The following LCOR variants were observed in gnomAD, a reference collection of about 807,000 sequenced individuals.
LCOR encodes ligand dependent nuclear receptor corepressor.
In LCOR, 14 loss-of-function variants were observed where a neutral mutation model predicts 64.4. The ratio of observed to expected loss-of-function variants is 0.22; its 90% CI spans 0.14 to 0.34. The LOEUF (loss-of-function observed/expected upper bound fraction) is 0.34. Ranked by LOEUF, LCOR falls within the 10% of genes least tolerant of loss-of-function variation. The pLI is 1.00. For missense variants in LCOR, 1,686 were observed against 1,765.3 expected, an observed-to-expected ratio of 0.96 and a Z score of 0.80; for synonymous variants, 643 against 642.5, an observed-to-expected ratio of 1.00 and a Z score of -0.01.
chr10:96,864,788 A>T (rs770108550), intron 2 of LCOR, among the ~76,000 whole-genome samples: 2 of 152,218 alleles, frequency 1.3e-5, no homozygotes, highest in Non-Finnish European at 2.9e-5. Context: ...CATTCAGTAC[A>T]GTGACATGCT....
At chr10:96,888,194 G>A (rs1846376343) in intron 2 of LCOR, among the ~76,000 whole-genome samples, 1 of 150,514 alleles carries the variant, frequency 6.6e-6, no homozygotes. Context: ...ATGAAACCCT[G>A]TCTCTACTAA....
intron 6 of LCOR, among the ~76,000 whole-genome samples, chr10:96,950,394 A>G (rs186102787): frequency 1.3e-5 from 2 of 152,218 alleles, no homozygotes; most frequent in Admixed American, 1.3e-4. Flanking sequence ...TGGTTACCAT[A>G]TTTACAAAGT....
At chr10:96,832,874 C>A in intron 1 of LCOR, 1 of 541,922 alleles carries the variant, frequency 1.8e-6, no homozygotes, top group Non-Finnish European at 2.3e-6. Flanking sequence ...CCTGCGCCAC[C>A]CCTCCCCCAC....
Position 96,897,957 on chromosome 10 carries a change from A to T in LCOR, c.-329-9308A>T, listed in dbSNP as rs1011893619. Among the ~76,000 whole-genome samples the T allele has an allele frequency of 8.6e-5, 13 of 151,124 alleles. No homozygotes were observed. The East Asian group carries it at 2.5e-3, about 29-fold the overall frequency. On this transcript the variant is annotated intron_variant, in intron 2 of 7. Coordinates refer to ENST00000421806, the MANE Select transcript of LCOR (RefSeq NM_001346516.2). Reference sequence around the variant, plus strand: ...CAAGTCTTTAGCTTGCCTGACACATAAAACAGAGTCCTTGTAAAATCTCCA... The same window carrying T: ...CAAGTCTTTAGCTTGCCTGACACATTAAACAGAGTCCTTGTAAAATCTCCA...
In LCOR at chr10:96,982,848, C is replaced by T. The variant is rs3814163; in HGVS notation, c.2388C>T (p.Leu796=). The T allele has an allele frequency of 0.06, 97,170 of 1,613,846 alleles. 9,722 individuals are homozygous for T. Among genetic ancestry groups the T allele is most frequent in the East Asian group, 0.32 (14,427 of 44,874 alleles). The change falls in exon 8 of 8, where the codon CTC becomes CTT. Residue 796 remains leucine, a synonymous_variant. Coordinates refer to ENST00000421806, the MANE Select transcript of LCOR (RefSeq NM_001346516.2). ...CGTATGATACAAGCATTGACTCACTCGAAGAGAATTTGGACAAGAAGAAAA... is the reference window on the plus strand; with the variant it reads ...CGTATGATACAAGCATTGACTCACTTGAAGAGAATTTGGACAAGAAGAAAA... ...KDTYDTSIDS[L]EENLDKKKKG... is the part of the protein sequence containing the mutation.
At chr10:96,876,098 A>G (rs747870311) in intron 2 of LCOR, among the ~76,000 whole-genome samples, 1 of 152,030 alleles carries the variant, frequency 6.6e-6, no homozygotes, top group Non-Finnish European at 1.5e-5. Context: ...TTCTGTTGCT[A>G]TGACAGAATA....
chr10:96,903,027 C>T (rs989273231), intron 2 of LCOR, among the ~76,000 whole-genome samples: 2 of 152,130 alleles, frequency 1.3e-5, no homozygotes, highest in Non-Finnish European at 2.9e-5. Context: ...GTAGGAAATA[C>T]CACCATTGTC....
intron 2 of LCOR, among the ~76,000 whole-genome samples, chr10:96,872,074 G>A (rs12243551): frequency 0.14 from 21,025 of 152,138 alleles, 1,977 homozygotes; most frequent in African/African-American, 0.26. Flanking sequence ...GATGAGTACT[G>A]TTCCTAAAAT....
In LCOR at chr10:96,985,674, A is replaced by G. The variant is rs996610102; in HGVS notation, c.*540A>G. On this transcript the variant is annotated 3_prime_UTR_variant, in exon 8 of 8. Coordinates refer to ENST00000421806, the MANE Select transcript of LCOR (RefSeq NM_001346516.2). ...TTTGAAAGCTAAACCAAATCATTTT[A>G]TGGTATGCAGAGGATTTATAATTAT... 2 of 166,750 alleles carry G rather than the reference A, an allele frequency of 1.2e-5. No homozygotes were observed. Among genetic ancestry groups the G allele is most frequent in the African/African-American group, 4.8e-5 (2 of 41,446 alleles). The allele number at this position is 166,750 out of a possible 1,614,324, so 10.3% of individuals were successfully genotyped here. A position where few individuals can be genotyped will look rare whatever the true frequency, so the allele number is the denominator to read the frequency against.
chr10:96,880,751 T>G (rs1298880924), intron 2 of LCOR, among the ~76,000 whole-genome samples: 1 of 152,234 alleles, frequency 6.6e-6, no homozygotes, highest in African/African-American at 2.4e-5. Flanking sequence ...CACTATATGA[T>G]TTAATTCTGC....
Position 96,943,776 on chromosome 10 carries a change from G to C in LCOR, c.-183-337G>C, listed in dbSNP as rs1847539938. 3.3e-5 allele frequency among the ~76,000 whole-genome samples: 5 copies of C among 150,024 alleles called. No individual in the cohort carries two copies. The South Asian group carries it at 1.0e-3, about 31-fold the overall frequency. ...TTAAAAAAAAAAAAGCCTTCTGTCTGAATTGAGTTGCCTGTGAAAAATAAC... is the reference window on the plus strand; with the variant it reads ...TTAAAAAAAAAAAAGCCTTCTGTCTCAATTGAGTTGCCTGTGAAAAATAAC... On this transcript the variant is annotated intron_variant, in intron 4 of 7. Transcript: ENST00000421806.
At chr10:96,911,676 A>G (rs1846837492) in intron 4 of LCOR, among the ~76,000 whole-genome samples, 2 of 152,158 alleles carry the variant, frequency 1.3e-5, no homozygotes, top group South Asian at 4.1e-4. Context: ...ATTTGAAATG[A>G]CCAATTCTAG....
intron 4 of LCOR, among the ~76,000 whole-genome samples, chr10:96,939,436 G>GT (rs1335373854): frequency 5.9e-5 from 9 of 152,118 alleles, no homozygotes; most frequent in Admixed American, 5.9e-4. Context: ...TCATGACCAA[G>GT]TTTTTTAGGT....
chr10:96,927,157 C>T (rs1168289937), intron 4 of LCOR, among the ~76,000 whole-genome samples: 1 of 152,050 alleles, frequency 6.6e-6, no homozygotes, highest in Non-Finnish European at 1.5e-5. Context: ...TCCAGTGTTC[C>T]TCGTCTTACC....
chr10:96,985,030 C>G lies in LCOR; in HGVS notation c.4570C>G (p.Pro1524Ala). 1 of 1,614,186 alleles carries G rather than the reference C, an allele frequency of 6.2e-7. No individual in the cohort carries two copies. The highest frequency in any genetic ancestry group is 1.1e-5 in the South Asian group (1 of 91,082). Residue 1524 changes from proline to alanine, a missense_variant, in exon 8 of 8, where the codon CCC becomes GCC. By Grantham distance (27) the Pro-to-Ala change is conservative. Transcript: ENST00000421806. ...GAGTAGTGGAAAGACTCGGGCCAGA[C>G]CCTCAACGAAAACCCCAGAGAGCAG... ...KQSSGKTRAR[P>A]STKTPESSAA...
At chr10:96,835,467 CTT>C (rs1311842830) in intron 2 of LCOR, among the ~76,000 whole-genome samples, 1 of 152,102 alleles carries the variant, frequency 6.6e-6, no homozygotes, top group Non-Finnish European at 1.5e-5. Flanking sequence ...CATATTTTCT[CTT>C]TTATTATATG....
At chr10:96,938,073 C>T (rs950789274) in intron 4 of LCOR, among the ~76,000 whole-genome samples, 8 of 152,228 alleles carry the variant, frequency 5.3e-5, no homozygotes, top group Middle Eastern at 3.4e-3. Flanking sequence ...TGCCTCAGCC[C>T]CCAAGTAGGT....
intron 2 of LCOR, among the ~76,000 whole-genome samples, chr10:96,870,861 A>G (rs1025958532): frequency 6.6e-6 from 1 of 152,208 alleles, no homozygotes; most frequent in Non-Finnish European, 1.5e-5. Flanking sequence ...TTTGGACAAT[A>G]GTAGTTTTGC....
In LCOR at chr10:96,988,660, C is replaced by T. The variant is rs1362951834; in HGVS notation, c.*3526C>T. On this transcript the variant is annotated 3_prime_UTR_variant, in exon 8 of 8. Coordinates refer to ENST00000421806, the MANE Select transcript of LCOR (RefSeq NM_001346516.2). ...GTCATTCACATTTATGGGCAGCATT[C>T]CTGTTGATTAGTGGACCTAAGAGCC... 4 of 152,124 alleles carry T rather than the reference C, an allele frequency of 2.6e-5. No individual in the cohort carries two copies. Among genetic ancestry groups the T allele is most frequent in the Admixed American group, 2.0e-4 (3 of 15,266 alleles). 9.4% of individuals were successfully genotyped at this position (152,124 alleles called of 1,614,324 possible).
Sources: allele counts gnomAD v4.1 joint callset (sites outside exome capture counted in the v4.1 genomes callset), GRCh38; gene constraint gnomAD v4.1.1; transcripts MANE v1.5; gene names NCBI Gene and HGNC (gene_info 2026-07-23, HGNC 2026-07-21).